The following TFEC variants were observed in gnomAD, a reference collection of about 807,000 sequenced individuals.
The protein encoded by TFEC is class E basic helix-loop-helix protein 34.
TFEC carries 31 observed loss-of-function variants against 41.6 expected under a neutral mutation model. The observed-to-expected ratio is 0.74, with a 90% CI of 0.56 to 1.01. The LOEUF is 1.01. TFEC is among the 50% of genes least tolerant of loss of function. The pLI is 0.00. For synonymous variants in TFEC, 143 were observed against 140.6 expected (o/e 1.02, Z -0.12); for missense variants, 402 against 404.1 (o/e 0.99, Z 0.04).
chr7:116,106,260 A>G (rs751008690), intron 3 of TFEC, among the ~76,000 whole-genome samples: 2 of 152,240 alleles, frequency 1.3e-5, no homozygotes, highest in Non-Finnish European at 2.9e-5. Flanking sequence ...AAGAAGTTTC[A>G]CAGCATTTAA....
At chr7:115,946,802 C>G (rs1791600822) in intron 6 of TFEC, among the ~76,000 whole-genome samples, 1 of 151,096 alleles carries the variant, frequency 6.6e-6, no homozygotes, top group Non-Finnish European at 1.5e-5. Flanking sequence ...TCCCAAAGTA[C>G]TGGGATTACA....
chr7:116,099,212 G>C (rs1797546661), intron 3 of TFEC, among the ~76,000 whole-genome samples: 1 of 152,146 alleles, frequency 6.6e-6, no homozygotes, highest in South Asian at 2.1e-4. Context: ...AACTGATCAA[G>C]TAAGGAATTC....
At chr7:116,068,858 T>A (rs973793209) in intron 3 of TFEC, among the ~76,000 whole-genome samples, 4 of 151,528 alleles carry the variant, frequency 2.6e-5, no homozygotes, top group Non-Finnish European at 5.9e-5. Context: ...ATCCATACAA[T>A]ATTTTCCAAT....
At chr7:116,117,731 GC>G (rs1798023204) in intron 1 of TFEC, among the ~76,000 whole-genome samples, 1 of 151,862 alleles carries the variant, frequency 6.6e-6, no homozygotes. Context: ...TAAACAGTGT[GC>G]CAAAGATGGG....
intron 1 of TFEC, among the ~76,000 whole-genome samples, chr7:116,022,690 G>T (rs1341021107): frequency 6.6e-6 from 1 of 152,102 alleles, no homozygotes; most frequent in Non-Finnish European, 1.5e-5. Flanking sequence ...ATAGTATTTT[G>T]TAATGTATTC....
intron 1 of TFEC, among the ~76,000 whole-genome samples, chr7:116,005,433 C>T (rs1430399271): frequency 1.3e-5 from 2 of 152,128 alleles, no homozygotes; most frequent in Non-Finnish European, 2.9e-5. Flanking sequence ...GCAAAGGCAA[C>T]TCTTACTATG....
At chr7:116,014,118 T>C (rs1448581301) in intron 1 of TFEC, among the ~76,000 whole-genome samples, 1 of 152,122 alleles carries the variant, frequency 6.6e-6, no homozygotes, top group East Asian at 1.9e-4. Flanking sequence ...ATCTTAATGT[T>C]TGATTTCCTG....
intron 1 of TFEC, among the ~76,000 whole-genome samples, chr7:116,021,288 C>T (rs1179845703): frequency 6.6e-6 from 1 of 152,168 alleles, no homozygotes; most frequent in Non-Finnish European, 1.5e-5. Context: ...TTGCTTACCA[C>T]AAGTTACAAA....
intron 6 of TFEC, among the ~76,000 whole-genome samples, chr7:115,948,211 T>C (rs1791713251): frequency 6.6e-6 from 1 of 151,606 alleles, no homozygotes; most frequent in Non-Finnish European, 1.5e-5. Context: ...AATCAATAGC[T>C]TACCAACCAA....
intron 3 of TFEC, among the ~76,000 whole-genome samples, chr7:116,048,197 TG>T (rs1052828148): frequency 1.7e-4 from 26 of 152,250 alleles, no homozygotes; most frequent in African/African-American, 6.0e-4. Flanking sequence ...TAAATGAGGA[TG>T]TTCGAACCCA....
chr7:116,155,709 T>G (rs1203795237), intron 1 of TFEC, among the ~76,000 whole-genome samples: 2 of 152,238 alleles, frequency 1.3e-5, no homozygotes, highest in Non-Finnish European at 2.9e-5. Context: ...TAATCAGGAC[T>G]GTTAACATAT....
At chr7:116,004,272 T>C (rs1029419463) in intron 1 of TFEC, among the ~76,000 whole-genome samples, 1 of 152,118 alleles carries the variant, frequency 6.6e-6, no homozygotes, top group African/African-American at 2.4e-5. Flanking sequence ...GGACACAAAT[T>C]ATTATCAAAA....
chr7:116,029,811 T>C (rs189526081), intron 1 of TFEC, among the ~76,000 whole-genome samples: 3 of 151,954 alleles, frequency 2.0e-5, no homozygotes, highest in Admixed American at 6.6e-5. Flanking sequence ...TTTAAAAAAG[T>C]AATTGCTGGG....
At chr7:116,087,054 T>C (rs1797218955) in intron 3 of TFEC, among the ~76,000 whole-genome samples, 2 of 151,918 alleles carry the variant, frequency 1.3e-5, no homozygotes, top group Admixed American at 6.6e-5. Context: ...TTTAAACCAT[T>C]ACAAGGAATT....
intron 3 of TFEC, among the ~76,000 whole-genome samples, chr7:116,052,155 G>A (rs935513292): frequency 3.3e-5 from 5 of 151,708 alleles, no homozygotes; most frequent in Non-Finnish European, 5.9e-5. Flanking sequence ...CTCATTCAGC[G>A]TAAAACAAGG....
chr7:115,968,450 G>T, intron 3 of TFEC: 1 of 571,156 alleles, frequency 1.8e-6, no homozygotes, highest in Non-Finnish European at 2.8e-6. Context: ...CTCATTCCTC[G>T]TCTCTGGAAT....
intron 5 of TFEC, among the ~76,000 whole-genome samples, chr7:115,954,052 G>A (rs1456146166): frequency 5.9e-5 from 9 of 151,924 alleles, no homozygotes; most frequent in African/African-American, 1.2e-4. Flanking sequence ...TTTCTTGCCC[G>A]ATTTCTCCAT....
Position 116,076,252 on chromosome 7 carries a change from T to C in TFEC, c.198+34456A>G, listed in dbSNP as rs116218241. Among the ~76,000 whole-genome samples the C allele has an allele frequency of 4.8e-3, 725 of 152,244 alleles. 1 individual carries two copies. Among genetic ancestry groups the C allele is most frequent in the African/African-American group, 0.011 (445 of 41,550 alleles). On this transcript the variant is annotated intron_variant, in intron 3 of 8. Transcript: ENST00000484212. The stretch of plus-strand genomic sequence containing the variant: ...AACACCACATCAAGGGAGCACACCA[T>C]AGGACAAAAGAATCTGAACAGTAGC...
chr7:116,010,870 A>C (rs1202263601), intron 1 of TFEC, among the ~76,000 whole-genome samples: 1 of 152,142 alleles, frequency 6.6e-6, no homozygotes, highest in East Asian at 1.9e-4. Context: ...AGTTTGCCCT[A>C]TTTCAGAAAT....
Sources: gnomAD v4.1 joint callset for allele counts (sites outside exome capture counted in the v4.1 genomes callset) on GRCh38, gnomAD v4.1.1 for gene constraint, MANE v1.5 for transcripts, NCBI Gene and HGNC (gene_info 2026-07-23, HGNC 2026-07-21) for gene names.